The following SLC4A7 variants were observed in gnomAD, a reference collection of about 807,000 sequenced individuals.
The protein encoded by SLC4A7 is solute carrier family 4 member 7.
In SLC4A7, 51 loss-of-function variants were observed where a neutral mutation model predicts 137.6. That is an observed-to-expected ratio of 0.37 (90% CI 0.30 to 0.47). SLC4A7 has a LOEUF of 0.47. Among genes scored for constraint, SLC4A7 ranks in the 20% least tolerant of loss-of-function variants. The pLI is 1.00. For missense variants in SLC4A7, 1,247 were observed against 1,525.4 expected, an observed-to-expected ratio of 0.82 and a Z score of 3.04; for synonymous variants, 542 against 518.6, an observed-to-expected ratio of 1.05 and a Z score of -0.61.
At chr3:27,417,508 C>T (rs1428484837) in intron 11 of SLC4A7, among the ~76,000 whole-genome samples, 2 of 152,130 alleles carry the variant, frequency 1.3e-5, no homozygotes, top group Admixed American at 6.5e-5. Flanking sequence ...AATCCTAGAA[C>T]TTTGGGAGGC....
At chr3:27,456,579 T>C (rs1268642064) in intron 1 of SLC4A7, 1 of 1,064,258 alleles carries the variant, frequency 9.4e-7, no homozygotes, top group East Asian at 2.4e-5. Flanking sequence ...TGACATTTCT[T>C]CAAGCTTCAC....
chr3:27,419,580 C>A (rs990094411), intron 10 of SLC4A7, among the ~76,000 whole-genome samples: 2 of 151,138 alleles, frequency 1.3e-5, no homozygotes, highest in African/African-American at 2.4e-5. Context: ...AAGTGATCCA[C>A]CCACCTCGGC....
chr3:27,458,473 T>C (rs2058525716), intron 1 of SLC4A7, among the ~76,000 whole-genome samples: 1 of 152,162 alleles, frequency 6.6e-6, no homozygotes, highest in South Asian at 2.1e-4. Context: ...CTAAGGCTTC[T>C]AAACTTCTCC....
At chr3:27,444,500 A>C (rs2057443516) in intron 3 of SLC4A7, among the ~76,000 whole-genome samples, 1 of 152,102 alleles carries the variant, frequency 6.6e-6, no homozygotes, top group Admixed American at 6.5e-5. Context: ...TTTTTCAGTC[A>C]CTTCATTCTC....
intron 2 of SLC4A7, 104 bp from the exon 3 acceptor site, chr3:27,448,901 GTAATTAACAA>G: frequency 1.4e-6 from 1 of 717,032 alleles, no homozygotes; most frequent in Non-Finnish European, 2.1e-6. Context: ...ATAAGTTCAC[GTAATTAACAA>G]TGGTAGTCTC....
chr3:27,472,845 C>G (rs561242831), intron 1 of SLC4A7, among the ~76,000 whole-genome samples: 1 of 152,148 alleles, frequency 6.6e-6, no homozygotes, highest in Admixed American at 6.6e-5. Context: ...TTTGGGAGGC[C>G]GAGGCGGGCA....
chr3:27,385,275 T>C (rs1169091284), intron 23 of SLC4A7, among the ~76,000 whole-genome samples: 1 of 152,166 alleles, frequency 6.6e-6, no homozygotes, highest in Admixed American at 6.5e-5. Context: ...TAACCGATAC[T>C]ATCGAGTTGG....
At chr3:27,397,865 CT>C in intron 17 of SLC4A7, 68 bp from the exon 18 acceptor site, 1 of 903,188 alleles carries the variant, frequency 1.1e-6, no homozygotes, top group Non-Finnish European at 1.7e-6. Context: ...TAATTCACAT[CT>C]TTTATTGATA....
chr3:27,435,321 A>G (rs1283630621), intron 5 of SLC4A7, among the ~76,000 whole-genome samples: 1 of 152,082 alleles, frequency 6.6e-6, no homozygotes, highest in Non-Finnish European at 1.5e-5. Flanking sequence ...CCTCCACATT[A>G]TCCTTCAAAT....
chr3:27,397,827 C>CATA (rs1268664809), intron 17 of SLC4A7, 30 bp from the exon 18 acceptor site: 5 of 1,192,510 alleles, frequency 4.2e-6, no homozygotes, highest in Admixed American at 2.0e-5. Flanking sequence ...TTAATATAAA[C>CATA]ACAGAAATAC....
chr3:27,439,589 G>C (rs1422093598), intron 3 of SLC4A7, among the ~76,000 whole-genome samples: 2 of 151,908 alleles, frequency 1.3e-5, no homozygotes, highest in Non-Finnish European at 2.9e-5. Context: ...TTATATCCTG[G>C]GACCTGCTAA....
intron 8 of SLC4A7, chr3:27,422,926 G>A (rs552718653): frequency 3.2e-5 from 13 of 408,138 alleles, no homozygotes; most frequent in African/African-American, 1.4e-4. Context: ...AAAATAAACG[G>A]CAACTGCCAT....
At chr3:27,381,894 T>C (rs1451335379) in intron 24 of SLC4A7, among the ~76,000 whole-genome samples, 1 of 152,012 alleles carries the variant, frequency 6.6e-6, no homozygotes, top group Non-Finnish European at 1.5e-5. Flanking sequence ...GAGATGACCA[T>C]TGTGGCCAAC....
intron 15 of SLC4A7, among the ~76,000 whole-genome samples, chr3:27,401,341 G>T (rs2052723965): frequency 6.6e-6 from 1 of 152,022 alleles, no homozygotes; most frequent in Non-Finnish European, 1.5e-5. Context: ...CATTCTTAAA[G>T]AAATAAATAA....
At chr3:27,451,885 T>C (rs556135985) in intron 2 of SLC4A7, among the ~76,000 whole-genome samples, 1 of 152,304 alleles carries the variant, frequency 6.6e-6, no homozygotes, top group African/African-American at 2.4e-5. Flanking sequence ...CTATGTGCTG[T>C]CTTTGCAGCT....
chr3:27,385,559 A>G (rs1411984039), intron 23 of SLC4A7, among the ~76,000 whole-genome samples: 1 of 152,156 alleles, frequency 6.6e-6, no homozygotes, highest in African/African-American at 2.4e-5. Flanking sequence ...TGTGTTACCT[A>G]TATTTTAATA....
chr3:27,405,004 TA>T, intron 13 of SLC4A7, 41 bp from the exon 14 acceptor site: 1 of 1,449,020 alleles, frequency 6.9e-7, no homozygotes, highest in Non-Finnish European at 9.3e-7. Context: ...CAATACATCA[TA>T]AACATTTCTC....
At chr3:27,461,013 C>T (rs1169201753) in intron 1 of SLC4A7, among the ~76,000 whole-genome samples, 1 of 152,010 alleles carries the variant, frequency 6.6e-6, no homozygotes, top group Non-Finnish European at 1.5e-5. Flanking sequence ...TAACCAGAAA[C>T]CAAGAGCAAA....
At chr3:27,388,054 T>C (rs1012741271) in intron 22 of SLC4A7, among the ~76,000 whole-genome samples, 2 of 152,192 alleles carry the variant, frequency 1.3e-5, no homozygotes, top group Non-Finnish European at 2.9e-5. Flanking sequence ...TTCATCAAGT[T>C]TTCTAACATC....
Sources: gnomAD v4.1 joint callset for allele counts (sites outside exome capture counted in the v4.1 genomes callset) on GRCh38, gnomAD v4.1.1 for gene constraint, MANE v1.5 for transcripts, NCBI Gene and HGNC (gene_info 2026-07-23, HGNC 2026-07-21) for gene names.